RASSF3: variants seen among roughly 807,000 people sequenced by gnomAD.
The protein encoded by RASSF3 is ras association domain-containing protein 3.
In RASSF3, 19 loss-of-function variants were observed where a neutral mutation model predicts 19.9. That is an observed-to-expected ratio of 0.96 (90% CI 0.67 to 1.40). The LOEUF (loss-of-function observed/expected upper bound fraction) is 1.40. RASSF3 is among the 40% of genes most tolerant of loss of function. RASSF3 has a pLI of 0.00. For missense variants in RASSF3, 306 were observed against 289.8 expected (o/e 1.06, Z -0.41); for synonymous variants, 110 against 104.2 (o/e 1.06, Z -0.34).
chr12:64,511,913 C>T (rs901794182), intron 1 of RASSF3, among the ~76,000 whole-genome samples: 3 of 152,130 alleles, frequency 2.0e-5, no homozygotes, highest in East Asian at 3.9e-4. Flanking sequence ...TCCCTTTCAC[C>T]CCTTCCTGCC....
downstream of RASSF3, among the ~76,000 whole-genome samples, chr12:64,543,242 C>T (rs1223794447): frequency 4.7e-5 from 7 of 148,514 alleles, no homozygotes; most frequent in Admixed American, 4.0e-4. Flanking sequence ...CGGCCGGCGC[C>T]GCCCGCCCAG....
At chr12:64,598,034 C>T (rs987869957) in intron 2 of RASSF3, among the ~76,000 whole-genome samples, 3 of 152,126 alleles carry the variant, frequency 2.0e-5, no homozygotes, top group Non-Finnish European at 4.4e-5. Flanking sequence ...TCTCCTTCCA[C>T]ACCTCCCGAG....
chr12:64,618,352 A>C (rs1870623507), intron 1 of RASSF3, among the ~76,000 whole-genome samples: 1 of 152,074 alleles, frequency 6.6e-6, no homozygotes, highest in South Asian at 2.1e-4. Flanking sequence ...TTTTGAGACA[A>C]GTCTTGATCT....
chr12:64,650,367 G>GT (rs1425577720), intron 1 of RASSF3, among the ~76,000 whole-genome samples: 1 of 149,442 alleles, frequency 6.7e-6, no homozygotes, highest in Non-Finnish European at 1.5e-5. Context: ...GATGACCTCA[G>GT]TGATAGTTGT....
chr12:64,541,913 A>C (rs553710216), downstream of RASSF3, among the ~76,000 whole-genome samples: 1 of 152,306 alleles, frequency 6.6e-6, no homozygotes, highest in East Asian at 1.9e-4. Context: ...AATAAGATAG[A>C]GTATATCAGT....
chr12:64,543,524 G>GCCCCC (rs1868991955), downstream of RASSF3, among the ~76,000 whole-genome samples: 1 of 41,276 alleles, frequency 2.4e-5, no homozygotes, highest in East Asian at 2.6e-3. Flanking sequence ...GCCGCCCCCC[G>GCCCCC]CTCTCCCCCG....
In RASSF3 at chr12:64,695,070, C is replaced by T. The variant is rs1386199780; in HGVS notation, c.*158C>T. 6.7e-5 allele frequency: 49 copies of T among 730,208 alleles called. 1 individual carries two copies. In the Admixed American group the frequency reaches 1.4e-3, roughly 21 times the overall value. The allele number at this position is 730,208 out of a possible 1,614,324, so 45.2% of individuals were successfully genotyped here. A position where few individuals can be genotyped will look rare whatever the true frequency, so the allele number is the denominator to read the frequency against. ...TCCCCAAACCTGGTCACACAGCATC[C>T]TGCACCTTAGCGTCCCATGTAAGGG... On this transcript the variant is annotated 3_prime_UTR_variant, in exon 5 of 5. Coordinates refer to ENST00000542104, the MANE Select transcript of RASSF3 (RefSeq NM_178169.4).
At chr12:64,664,228 G>A (rs188706449) in intron 1 of RASSF3, among the ~76,000 whole-genome samples, 14 of 152,212 alleles carry the variant, frequency 9.2e-5, no homozygotes, top group African/African-American at 3.4e-4. Flanking sequence ...TGAAGGTACA[G>A]AGAATAGAGA....
chr12:64,529,431 GAC>G (rs1413524660), upstream of RASSF3, among the ~76,000 whole-genome samples: 1 of 152,150 alleles, frequency 6.6e-6, no homozygotes, highest in Non-Finnish European at 1.5e-5. Context: ...CTAACACCTA[GAC>G]ATAGACATTT....
At chr12:64,604,235 C>A (rs1004427020) in intron 2 of RASSF3, among the ~76,000 whole-genome samples, 4 of 151,930 alleles carry the variant, frequency 2.6e-5, no homozygotes, top group African/African-American at 4.8e-5. Flanking sequence ...AAGCAATCCT[C>A]CCACCTCAGC....
At chr12:64,608,692 G>C (rs1870237380), upstream of RASSF3, among the ~76,000 whole-genome samples, 1 of 152,184 alleles carries the variant, frequency 6.6e-6, no homozygotes, top group Non-Finnish European at 1.5e-5. Flanking sequence ...ACAATAAAAT[G>C]AGTAATTTAA....
At chr12:64,674,256 A>G (rs1397910689) in intron 1 of RASSF3, among the ~76,000 whole-genome samples, 2 of 152,234 alleles carry the variant, frequency 1.3e-5, no homozygotes, top group Non-Finnish European at 2.9e-5. Context: ...AGAAGAGAGC[A>G]AAAAGCTTCA....
chr12:64,570,042 T>A (rs568494470), intron 2 of RASSF3, among the ~76,000 whole-genome samples: 9 of 152,288 alleles, frequency 5.9e-5, no homozygotes, highest in African/African-American at 1.7e-4. Context: ...TATAATGTAT[T>A]TGACTTTCTT....
chr12:64,673,474 T>A (rs1398271967), intron 1 of RASSF3, among the ~76,000 whole-genome samples: 3 of 152,202 alleles, frequency 2.0e-5, no homozygotes, highest in Non-Finnish European at 4.4e-5. Flanking sequence ...CGTAGTCCAG[T>A]GGCCTCTTTT....
At chr12:64,589,436 T>A (rs1418373734) in intron 2 of RASSF3, among the ~76,000 whole-genome samples, 1 of 151,440 alleles carries the variant, frequency 6.6e-6, no homozygotes, top group Non-Finnish European at 1.5e-5. Flanking sequence ...GGCAACAGAG[T>A]GAGACCCTGT....
At chr12:64,632,554 C>T (rs1054652729) in intron 1 of RASSF3, among the ~76,000 whole-genome samples, 10 of 151,842 alleles carry the variant, frequency 6.6e-5, no homozygotes, top group Non-Finnish European at 1.0e-4. Flanking sequence ...CACATTGGCA[C>T]CTGATCGACC....
At chr12:64,559,340 TTCA>T (rs1199184248) in intron 2 of RASSF3, among the ~76,000 whole-genome samples, 4 of 149,934 alleles carry the variant, frequency 2.7e-5, no homozygotes, top group Non-Finnish European at 5.9e-5. Flanking sequence ...ACCTCCCGGG[TTCA>T]TGCCATTCTC....
At chr12:64,601,460 A>T (rs1415287422) in intron 2 of RASSF3, among the ~76,000 whole-genome samples, 1 of 152,220 alleles carries the variant, frequency 6.6e-6, no homozygotes, top group Non-Finnish European at 1.5e-5. Flanking sequence ...TCTATGGATG[A>T]AGATCCTCAT....
chr12:64,532,790 T>C (rs1461000403), upstream of RASSF3, among the ~76,000 whole-genome samples: 2 of 151,500 alleles, frequency 1.3e-5, no homozygotes, highest in Admixed American at 6.6e-5. Flanking sequence ...AGCCGAGTCA[T>C]GCCACTCTAC....
Sources: allele counts gnomAD v4.1 joint callset (sites outside exome capture counted in the v4.1 genomes callset), GRCh38; gene constraint gnomAD v4.1.1; transcripts MANE v1.5; gene names NCBI Gene and HGNC (gene_info 2026-07-23, HGNC 2026-07-21).